Variants in ABCC8 observed in about 807,000 individuals in gnomAD.
ABCC8 encodes the protein ATP binding cassette subfamily C member 8, also known as ATP-binding cassette sub-family C member 8.
In ABCC8, 137 loss-of-function variants were observed where a neutral mutation model predicts 188.0. The observed-to-expected ratio is 0.73, with a 90% CI of 0.63 to 0.84. The LOEUF is 0.84. ABCC8 is among the 40% of genes least tolerant of loss of function. The pLI is 0.00. For missense variants in ABCC8, 1,750 were observed against 2,072.7 expected (o/e 0.84, Z 3.02); for synonymous variants, 797 against 846.5 (o/e 0.94, Z 1.01).
At chr11:17,431,045 T>G (rs951147718) in intron 11 of ABCC8, 86 bp from the exon 12 acceptor site, 7 of 1,566,304 alleles carry the variant, frequency 4.5e-6, no homozygotes, top group Admixed American at 3.8e-5. Context: ...GGAAGGGAAA[T>G]GAGAGGGCTG....
intron 36 of ABCC8, 178 bp downstream of exon 36, chr11:17,394,994 C>G (rs985412743): frequency 2.6e-6 from 2 of 755,656 alleles, no homozygotes; most frequent in Non-Finnish European, 4.3e-6. Context: ...AGTTGTGTGA[C>G]CTGGGGCAAG....
chr11:17,410,749 C>T (rs1207608562), intron 21 of ABCC8, 96 bp from the exon 22 acceptor site: 1 of 1,562,172 alleles, frequency 6.4e-7, no homozygotes, highest in South Asian at 1.2e-5. Context: ...TCTATCAACT[C>T]TGCTCTAGGG....
intron 16 of ABCC8, among the ~76,000 whole-genome samples, chr11:17,423,314 A>G (rs979315056): frequency 7.7e-5 from 10 of 129,368 alleles, no homozygotes; most frequent in African/African-American, 3.0e-4. Flanking sequence ...CTGAGATCGC[A>G]CCACTGCACT....
At position 17,408,514 on chromosome 11, in the gene ABCC8, T is replaced by C; in HGVS notation, c.2698A>G (p.Ile900Val). ...LQYLPHADWI[I>V]AMKDGTIQRE... is the part of the protein sequence containing the mutation. ...TGGATGGTGCCATCCTTCATGGCAA[T>C]GATCTGGAAAGGCAGCAACAAACGT... Residue 900 changes from isoleucine (I) to valine (V), a missense_variant, in exon 23 of 39, where the codon ATT becomes GTT. By Grantham distance (29) the Ile-to-Val change is conservative. Transcript: ENST00000389817. 6.2e-7 allele frequency: 1 copy of C among 1,610,682 alleles called. No homozygotes were observed. Among genetic ancestry groups the C allele is most frequent in the Non-Finnish European group, 8.5e-7 (1 of 1,179,364 alleles).
intron 7 of ABCC8, among the ~76,000 whole-genome samples, chr11:17,451,572 T>C (rs905384411): frequency 2.0e-5 from 3 of 152,214 alleles, no homozygotes; most frequent in African/African-American, 7.2e-5. Context: ...GTCCTCTCGG[T>C]CCCTTTTCTG....
Position 17,404,258 on chromosome 11 carries a change from T to C in ABCC8, c.3557+254A>G, listed in dbSNP as rs1006548016. 6.6e-6 allele frequency among the ~76,000 whole-genome samples: 1 copy of C among 152,210 alleles called. No individual in the cohort carries two copies. The highest frequency in any genetic ancestry group is 1.5e-5 in the Non-Finnish European group (1 of 68,038). On this transcript the variant is annotated intron_variant, in intron 28 of 38. Transcript: ENST00000389817. This position sits in a 1 kb window ranked among gnomAD's most constrained non-coding sequence, Gnocchi z 4.7. ...CATAAAATGTGCATTTATCATGACC[T>C]AGCAATTCCAGTCCTGACCATATCG... is the stretch of plus-strand genomic sequence containing the variant.
At chr11:17,432,586 G>T (rs532165477) in intron 10 of ABCC8, among the ~76,000 whole-genome samples, 3 of 152,332 alleles carry the variant, frequency 2.0e-5, no homozygotes, top group South Asian at 2.1e-4. Flanking sequence ...ACGTGTTTCT[G>T]GGGGCACAAA....
chr11:17,412,065 T>A (rs1201538923), intron 21 of ABCC8, among the ~76,000 whole-genome samples: 1 of 151,898 alleles, frequency 6.6e-6, no homozygotes, highest in Non-Finnish European at 1.5e-5. Context: ...GCTAATTTTT[T>A]GTATTTTTAG....
rs746758833 is a variant in ABCC8, at chr11:17,404,475, C to A, written c.3557+37G>T. 1.1e-5 allele frequency: 17 copies of A among 1,588,708 alleles called. No individual in the cohort carries two copies. The South Asian group carries it at 1.9e-4, about 18-fold the overall frequency. On this transcript the variant is annotated intron_variant, in intron 28 of 38. Coordinates refer to ENST00000389817, the MANE Select transcript of ABCC8 (RefSeq NM_000352.6). The surrounding 1 kb of genome is among the most constrained non-coding windows in gnomAD (Gnocchi z 4.7). ...AGCAAGTACACCAAACTGCACATTG[C>A]AAAGCACCTCCCACCCCTCACCCCT...
Position 17,412,705 on chromosome 11 carries a change from C to A in ABCC8, c.2517G>T (p.Val839=), listed in dbSNP as rs184329953. The A allele has an allele frequency of 6.8e-6, 11 of 1,612,210 alleles. No homozygotes were observed. The change falls in exon 21 of 39, where the codon GTG becomes GTT. Residue 839 remains valine (V), a synonymous_variant. Coordinates refer to ENST00000389817, the MANE Select transcript of ABCC8 (RefSeq NM_000352.6). ...LSGGQRQRIS[V]ARALYQHANV... ...TGGCGTGCTGGTAGAGGGCTCGGGC[C>A]ACACTGATTCGCTGGCGTTGACCAC...
chr11:17,461,918 A>G (rs1957208572), intron 4 of ABCC8, 93 bp from the exon 5 acceptor site: 1 of 1,578,098 alleles, frequency 6.3e-7, no homozygotes, highest in African/African-American at 1.4e-5. Context: ...GTGATATTCC[A>G]CACTTGATCT....
intron 3 of ABCC8, among the ~76,000 whole-genome samples, chr11:17,464,702 C>G (rs1253901877): frequency 3.3e-5 from 5 of 152,234 alleles, no homozygotes; most frequent in Non-Finnish European, 7.3e-5. Context: ...CGCACACACA[C>G]TCACTTCAAT....
chr11:17,413,553 T>G, intron 19 of ABCC8, 75 bp from the exon 20 acceptor site: 1 of 1,611,946 alleles, frequency 6.2e-7, no homozygotes, highest in Non-Finnish European at 8.5e-7. Context: ...AGAGGGTCAT[T>G]AGTCTCTGGG....
At chr11:17,435,543 G>T in intron 10 of ABCC8, 2 of 1,205,840 alleles carry the variant, frequency 1.7e-6, no homozygotes, top group Non-Finnish European at 2.4e-6. Flanking sequence ...TGCTCCAAGG[G>T]GATCTAAAAG....
intron 10 of ABCC8, among the ~76,000 whole-genome samples, chr11:17,434,079 C>T (rs1955970889): frequency 6.6e-6 from 1 of 152,188 alleles, no homozygotes; most frequent in African/African-American, 2.4e-5. Flanking sequence ...CCTTGACCAT[C>T]ACCAACTACA....
In ABCC8 at chr11:17,448,445, T is replaced by C. The variant is rs1470425835; in HGVS notation, c.1332+71A>G. The C allele has an allele frequency of 1.0e-5, 14 of 1,375,674 alleles. No homozygotes were observed. The East Asian group carries it at 3.2e-4, about 31-fold the overall frequency. 85.2% of individuals were successfully genotyped at this position (1,375,674 alleles called of 1,614,324 possible). On this transcript the variant is annotated intron_variant, in intron 8 of 38. Coordinates refer to ENST00000389817, the MANE Select transcript of ABCC8 (RefSeq NM_000352.6). ...TGGAAGACGGTGTGCTCCTAGTTACTGGCCATGGACCAGCAGATTCTGGTT... is the reference window on the plus strand; with the variant it reads ...TGGAAGACGGTGTGCTCCTAGTTACCGGCCATGGACCAGCAGATTCTGGTT...
intron 16 of ABCC8, among the ~76,000 whole-genome samples, chr11:17,421,002 A>G (rs1217758192): frequency 6.6e-6 from 1 of 152,254 alleles, no homozygotes; most frequent in African/African-American, 2.4e-5. Flanking sequence ...CTCTGAGACC[A>G]GGAGCCAGGC....
chr11:17,398,258 T>C (rs1323339879), intron 30 of ABCC8, 81 bp downstream of exon 30: 1 of 1,553,020 alleles, frequency 6.4e-7, no homozygotes, highest in African/African-American at 1.4e-5. Context: ...CTATCCTCTC[T>C]TTCATCCCCA....
Position 17,427,464 on chromosome 11 carries a change from G to A in ABCC8, c.2117-310C>T, listed in dbSNP as rs1283515933. Among the ~76,000 whole-genome samples the A allele has an allele frequency of 3.9e-5, 6 of 152,014 alleles. No individual in the cohort carries two copies. ...TGTGGTCCCAAGAAACACCATCCTG[G>A]GTCCCACCTCCAACCCACCTCCATA... On this transcript the variant is annotated intron_variant, in intron 15 of 38. Coordinates refer to ENST00000389817, the MANE Select transcript of ABCC8 (RefSeq NM_000352.6). The surrounding 1 kb of genome is among the most constrained non-coding windows in gnomAD (Gnocchi z 5.0).
Sources: gnomAD v4.1 joint callset for allele counts (sites outside exome capture counted in the v4.1 genomes callset) on GRCh38, gnomAD v4.1.1 for gene constraint, Gnocchi (gnomAD v3.1) non-coding constraint, MANE v1.5 for transcripts, NCBI Gene and HGNC (gene_info 2026-07-23, HGNC 2026-07-21) for gene names.